Variants in LRRC40 observed in about 807,000 individuals in gnomAD.
The protein encoded by LRRC40 is leucine rich repeat containing 40, also known as leucine-rich repeat-containing protein 40.
A neutral mutation model predicts 72.8 loss-of-function variants in LRRC40; 76 were observed. The observed-to-expected ratio is 1.04, with a 90% CI of 0.87 to 1.26. LRRC40 has a LOEUF of 1.26. Ranked by LOEUF, LRRC40 falls within the 50% of genes most tolerant of loss-of-function variation. The pLI, the probability that LRRC40 is intolerant of heterozygous loss-of-function variation, is 0.00. For synonymous variants in LRRC40, 243 were observed against 254.2 expected, an observed-to-expected ratio of 0.96 and a Z score of 0.42; for missense variants, 684 against 698.9, an observed-to-expected ratio of 0.98 and a Z score of 0.24.
At chr1:70,159,960 G>C (rs774867663) in intron 9 of LRRC40, among the ~76,000 whole-genome samples, 3 of 152,056 alleles carry the variant, frequency 2.0e-5, no homozygotes, top group Non-Finnish European at 4.4e-5. Context: ...CTTAACAAAT[G>C]CAAGACTTTA....
chr1:70,192,170 G>A (rs1385457717), intron 1 of LRRC40, among the ~76,000 whole-genome samples: 2 of 152,040 alleles, frequency 1.3e-5, no homozygotes. Context: ...AATTCTCATT[G>A]TAGAGATCTT....
intron 13 of LRRC40, 125 bp downstream of exon 13, chr1:70,151,003 A>C (rs1667469510): frequency 3.6e-6 from 2 of 549,542 alleles, no homozygotes; most frequent in Non-Finnish European, 6.6e-6. Flanking sequence ...AACTAAGTGA[A>C]AATAAAATCT....
intron 11 of LRRC40, among the ~76,000 whole-genome samples, chr1:70,153,972 C>CAAAAAAAAA (rs1042976831): frequency 1.7e-5 from 1 of 58,182 alleles, no homozygotes; most frequent in African/African-American, 7.1e-5. Flanking sequence ...GATCCTGTCT[C>CAAAAAAAAA]AAAAAAAAAA....
intron 9 of LRRC40, among the ~76,000 whole-genome samples, chr1:70,165,846 T>C (rs989966806): frequency 3.3e-5 from 5 of 152,094 alleles, no homozygotes; most frequent in African/African-American, 1.2e-4. Context: ...ACGTAGTTTT[T>C]AAAAAGCTCC....
In LRRC40 at chr1:70,145,228, T is replaced by A. The variant is rs931899352; in HGVS notation, c.*572A>T. The A allele has an allele frequency of 6.6e-6, 1 of 152,126 alleles. No individual in the cohort carries two copies. The highest frequency in any genetic ancestry group is 1.5e-5 in the Non-Finnish European group (1 of 67,984). 9.4% of individuals were successfully genotyped at this position (152,126 alleles called of 1,614,324 possible). On this transcript the variant is annotated 3_prime_UTR_variant, in exon 15 of 15. Coordinates refer to ENST00000370952, the MANE Select transcript of LRRC40 (RefSeq NM_017768.5). ...ATGAAAAGTCTTATTTTTAATATAT[T>A]TTTGTTTCCTTTTTCTTTTGACATG...
At position 70,173,703 on chromosome 1, in the gene LRRC40, G is replaced by C; in HGVS notation, c.984C>G (p.Pro328=). ...DLSNNDISSL[P]YSLGNLHLKF... is the part of the protein sequence containing the mutation. ...TCAAATGAAGGTTCCCCAATGAATA[G>C]GGAAGACTATAAAAGATTAAATTGA... is the stretch of plus-strand genomic sequence containing the variant. Residue 328 remains proline, a synonymous_variant, in exon 8 of 15, where the codon CCC becomes CCG. Coordinates refer to ENST00000370952, the MANE Select transcript of LRRC40 (RefSeq NM_017768.5). 1 of 1,492,210 alleles carries C rather than the reference G, an allele frequency of 6.7e-7. No individual in the cohort carries two copies. The highest frequency in any genetic ancestry group is 9.2e-7 in the Non-Finnish European group (1 of 1,089,390). 92.4% of individuals were successfully genotyped at this position (1,492,210 alleles called of 1,614,324 possible).
intron 9 of LRRC40, among the ~76,000 whole-genome samples, chr1:70,168,774 G>C (rs933865862): frequency 2.6e-5 from 4 of 152,138 alleles, no homozygotes; most frequent in African/African-American, 7.2e-5. Context: ...TTTTATGTCA[G>C]GGGCACATTA....
intron 3 of LRRC40, among the ~76,000 whole-genome samples, chr1:70,185,410 G>C (rs1444733846): frequency 6.6e-6 from 1 of 152,192 alleles, no homozygotes; most frequent in Non-Finnish European, 1.5e-5. Context: ...CATGAGTCCT[G>C]ATGGTTTTAT....
chr1:70,170,923 G>T (rs751133891), intron 9 of LRRC40, among the ~76,000 whole-genome samples: 3 of 152,160 alleles, frequency 2.0e-5, no homozygotes, highest in Admixed American at 6.5e-5. Flanking sequence ...CCTAAAGTAG[G>T]AGCCCTCAAT....
chr1:70,160,312 T>C (rs902754533), intron 9 of LRRC40, among the ~76,000 whole-genome samples: 7 of 152,214 alleles, frequency 4.6e-5, no homozygotes, highest in Non-Finnish European at 5.9e-5. Context: ...ATTTGTTGAA[T>C]ATTACTAAGT....
intron 9 of LRRC40, among the ~76,000 whole-genome samples, chr1:70,162,375 G>A (rs553926658): frequency 3.3e-5 from 5 of 152,162 alleles, no homozygotes; most frequent in Non-Finnish European, 7.4e-5. Flanking sequence ...ATGCCCCAAA[G>A]TGTGGTCCCC....
intron 6 of LRRC40, 151 bp from the exon 7 acceptor site, chr1:70,176,133 A>G (rs996157024): frequency 1.1e-5 from 5 of 468,898 alleles, no homozygotes; most frequent in Non-Finnish European, 1.5e-5. Flanking sequence ...TAAATTTTCA[A>G]TTATATTTAG....
chr1:70,205,042 G>A (rs1047089489), intron 1 of LRRC40, among the ~76,000 whole-genome samples: 1 of 152,162 alleles, frequency 6.6e-6, no homozygotes, highest in Non-Finnish European at 1.5e-5. Flanking sequence ...ATAAGAGGAG[G>A]AAAATAAGGG....
chr1:70,153,679 A>T (rs947828743), intron 11 of LRRC40, among the ~76,000 whole-genome samples: 2 of 152,080 alleles, frequency 1.3e-5, no homozygotes, highest in Non-Finnish European at 2.9e-5. Context: ...TGACAAATAA[A>T]CCAGTCAAGA....
At chr1:70,154,864 A>G (rs1667602829) in intron 11 of LRRC40, among the ~76,000 whole-genome samples, 1 of 152,048 alleles carries the variant, frequency 6.6e-6, no homozygotes, top group Non-Finnish European at 1.5e-5. Context: ...CACTATTATT[A>G]TCCCTATTTC....
At chr1:70,160,784 A>G (rs887849315) in intron 9 of LRRC40, among the ~76,000 whole-genome samples, 3 of 152,112 alleles carry the variant, frequency 2.0e-5, no homozygotes, top group East Asian at 1.9e-4. Context: ...CTTTCATTAT[A>G]TATCTTTGCG....
intron 10 of LRRC40, among the ~76,000 whole-genome samples, chr1:70,158,806 C>G (rs989536080): frequency 6.6e-6 from 1 of 152,040 alleles, no homozygotes; most frequent in Admixed American, 6.6e-5. Flanking sequence ...AGACACCCAC[C>G]AATATGAAAT....
At chr1:70,173,408 T>TAATTCTTC in intron 9 of LRRC40, 57 bp downstream of exon 9, 4 of 1,251,000 alleles carry the variant, frequency 3.2e-6, no homozygotes, top group Non-Finnish European at 4.7e-6. Context: ...TATGTACTAT[T>TAATTCTTC]AATTCTTCAC....
At chr1:70,180,027 T>C (rs1668206896) in intron 5 of LRRC40, 2 of 151,854 alleles carry the variant, frequency 1.3e-5, no homozygotes, top group Non-Finnish European at 1.5e-5. Context: ...AGGGAGGTTT[T>C]AAAATTGAAG....
Sources: allele counts gnomAD v4.1 joint callset (sites outside exome capture counted in the v4.1 genomes callset), GRCh38; gene constraint gnomAD v4.1.1; transcripts MANE v1.5; gene names NCBI Gene and HGNC (gene_info 2026-07-23, HGNC 2026-07-21).